The following MAGI1 variants were observed in gnomAD, a reference collection of about 807,000 sequenced individuals.
MAGI1 encodes membrane associated guanylate kinase, WW and PDZ domain containing 1.
A neutral mutation model predicts 139.9 loss-of-function variants in MAGI1; 58 were observed. The ratio of observed to expected loss-of-function variants is 0.41; its 90% CI spans 0.34 to 0.52. MAGI1 has a LOEUF of 0.52. MAGI1 is among the 20% of genes least tolerant of loss of function. MAGI1 has a pLI of 0.12. For synonymous variants in MAGI1, 812 were observed against 737.9 expected (o/e 1.10, Z -1.63); for missense variants, 1,874 against 1,901.6 (o/e 0.99, Z 0.27).
At chr3:65,693,703 T>TTTTTGTTTG (rs1553692474) in intron 1 of MAGI1, among the ~76,000 whole-genome samples, 2,473 of 151,888 alleles carry the variant, frequency 0.016, 79 homozygotes, top group African/African-American at 0.057. Flanking sequence ...AGAACAGTTT[T>TTTTTGTTTG]TTTTTGTTTT....
intron 1 of MAGI1, among the ~76,000 whole-genome samples, chr3:65,734,758 A>T (rs564599504): frequency 6.6e-6 from 1 of 152,068 alleles, no homozygotes; most frequent in East Asian, 1.9e-4. Flanking sequence ...AGTCCTCTTG[A>T]ATGTGTGTAT....
At chr3:65,741,310 G>C (rs1394255527) in intron 1 of MAGI1, among the ~76,000 whole-genome samples, 6 of 152,044 alleles carry the variant, frequency 3.9e-5, no homozygotes, top group Non-Finnish European at 7.4e-5. Flanking sequence ...AAGTAGCTGG[G>C]ACTACAGATG....
intron 1 of MAGI1, among the ~76,000 whole-genome samples, chr3:65,773,851 A>T (rs542066543): frequency 1.1e-4 from 17 of 152,284 alleles, no homozygotes; most frequent in African/African-American, 4.1e-4. Context: ...TTCGATATAA[A>T]GATTAAAATT....
At chr3:65,428,306 A>T (rs1414132176) in intron 12 of MAGI1, among the ~76,000 whole-genome samples, 1 of 152,202 alleles carries the variant, frequency 6.6e-6, no homozygotes, top group East Asian at 1.9e-4. Context: ...CCACTGTGTA[A>T]AACTATCAGT....
intron 2 of MAGI1, among the ~76,000 whole-genome samples, chr3:65,595,350 G>A (rs546206360): frequency 7.2e-5 from 11 of 152,322 alleles, no homozygotes; most frequent in South Asian, 6.2e-4. Flanking sequence ...GGTATCAAAC[G>A]TATAGGTTCA....
At chr3:65,841,265 T>C (rs2058793461) in intron 1 of MAGI1, among the ~76,000 whole-genome samples, 1 of 152,188 alleles carries the variant, frequency 6.6e-6, no homozygotes, top group East Asian at 1.9e-4. Context: ...TTGTTTTCTG[T>C]TTTTAATTTC....
intron 1 of MAGI1, among the ~76,000 whole-genome samples, chr3:65,784,641 C>G (rs1316985400): frequency 1.3e-5 from 2 of 151,852 alleles, no homozygotes; most frequent in Non-Finnish European, 2.9e-5. Flanking sequence ...GAAGGCGGAG[C>G]TTGCAGTGAG....
At chr3:65,980,254 T>C (rs894383461) in intron 1 of MAGI1, among the ~76,000 whole-genome samples, 1 of 152,104 alleles carries the variant, frequency 6.6e-6, no homozygotes, top group Non-Finnish European at 1.5e-5. Context: ...ATATAGCACA[T>C]AGGTATATGA....
chr3:65,922,354 C>T (rs1342291386), intron 1 of MAGI1, among the ~76,000 whole-genome samples: 1 of 152,162 alleles, frequency 6.6e-6, no homozygotes, highest in African/African-American at 2.4e-5. Context: ...CAGTTGAGGT[C>T]ATAATGAATC....
intron 1 of MAGI1, among the ~76,000 whole-genome samples, chr3:65,998,643 C>T (rs1158063206): frequency 6.6e-6 from 1 of 152,126 alleles, no homozygotes; most frequent in Non-Finnish European, 1.5e-5. Context: ...ATAATGATCA[C>T]TTATCCCATT....
intron 1 of MAGI1, among the ~76,000 whole-genome samples, chr3:65,642,133 A>G (rs544867598): frequency 6.6e-6 from 1 of 152,334 alleles, no homozygotes; most frequent in East Asian, 1.9e-4. Context: ...AAGAACAAAT[A>G]GAAGGCTCCC....
chr3:65,596,257 T>C (rs2082190761), intron 2 of MAGI1, among the ~76,000 whole-genome samples: 1 of 152,190 alleles, frequency 6.6e-6, no homozygotes, highest in South Asian at 2.1e-4. Context: ...CATGTGCATA[T>C]GGAATTTTTA....
At position 65,915,902 on chromosome 3, in the gene MAGI1, C is replaced by A. The variant is rs1458609182; in HGVS notation, c.313+122094G>T. 2.0e-5 allele frequency among the ~76,000 whole-genome samples: 3 copies of A among 151,456 alleles called. No individual in the cohort carries two copies. The East Asian group carries it at 5.8e-4, about 29-fold the overall frequency. On this transcript the variant is annotated intron_variant, in intron 1 of 22. Transcript: ENST00000402939. The stretch of plus-strand genomic sequence containing the variant: ...CAAGCTTTGATTTATGTTGAAAAAG[C>A]AAGATGCAAATTTGTGTATTTATTA...
chr3:65,878,713 G>A (rs1002000302), intron 1 of MAGI1, among the ~76,000 whole-genome samples: 1 of 152,124 alleles, frequency 6.6e-6, no homozygotes, highest in Non-Finnish European at 1.5e-5. Context: ...TTTCGTTTGT[G>A]GCAGTTTAAA....
intron 1 of MAGI1, among the ~76,000 whole-genome samples, chr3:65,837,353 C>G (rs566217201): frequency 6.6e-6 from 1 of 152,140 alleles, no homozygotes; most frequent in African/African-American, 2.4e-5. Context: ...CACCTGCTGA[C>G]GGAAGATAAA....
chr3:65,656,780 T>C (rs1416318187), intron 1 of MAGI1, among the ~76,000 whole-genome samples: 2 of 151,764 alleles, frequency 1.3e-5, no homozygotes, highest in African/African-American at 4.8e-5. Flanking sequence ...GGCAGATCAT[T>C]TGAGGTCATG....
At chr3:65,853,943 A>G (rs1366732052) in intron 1 of MAGI1, among the ~76,000 whole-genome samples, 1 of 152,050 alleles carries the variant, frequency 6.6e-6, no homozygotes, top group Non-Finnish European at 1.5e-5. Context: ...CATCCCCACT[A>G]AAAATACAAA....
intron 1 of MAGI1, among the ~76,000 whole-genome samples, chr3:65,924,509 C>T (rs147366820): frequency 3.1e-4 from 47 of 152,338 alleles, no homozygotes; most frequent in Admixed American, 5.9e-4. Context: ...GAGAAGCCAT[C>T]ATTTCCGTGG....
intron 2 of MAGI1, among the ~76,000 whole-genome samples, chr3:65,509,313 G>A (rs1414965903): frequency 2.0e-5 from 3 of 152,186 alleles, no homozygotes; most frequent in African/African-American, 4.8e-5. Context: ...CAAGATGGCC[G>A]AATAGGAACA....
Sources: gnomAD v4.1 joint callset for allele counts (sites outside exome capture counted in the v4.1 genomes callset) on GRCh38, gnomAD v4.1.1 for gene constraint, MANE v1.5 for transcripts, NCBI Gene and HGNC (gene_info 2026-07-23, HGNC 2026-07-21) for gene names.